CDH22: variants seen among roughly 807,000 people sequenced by gnomAD.
CDH22 encodes cadherin-22.
CDH22 carries 30 observed loss-of-function variants against 58.4 expected under a neutral mutation model. The ratio of observed to expected loss-of-function variants is 0.51; its 90% confidence interval spans 0.38 to 0.70. CDH22 has a LOEUF of 0.70. CDH22 is among the 30% of genes least tolerant of loss of function. The probability of loss-of-function intolerance (pLI) is 0.00; values close to 1 mark genes in which losing one functional copy is unlikely to be tolerated. For missense variants in CDH22, 1,014 were observed against 1,233.9 expected, an observed-to-expected ratio of 0.82 and a Z score of 2.67; for synonymous variants, 513 against 558.2, an observed-to-expected ratio of 0.92 and a Z score of 1.14.
intron 1 of CDH22, among the ~76,000 whole-genome samples, chr20:46,276,764 G>T (rs1370752725): frequency 6.6e-6 from 1 of 152,212 alleles, no homozygotes; most frequent in African/African-American, 2.4e-5. Flanking sequence ...TGGGGAGATG[G>T]GTGTGGGCAG....
At chr20:46,265,465 C>T (rs1033513065) in intron 1 of CDH22, among the ~76,000 whole-genome samples, 10 of 152,128 alleles carry the variant, frequency 6.6e-5, no homozygotes, top group Non-Finnish European at 1.3e-4. Context: ...CTGAAAATAG[C>T]CCCCTCCTCA....
Position 46,241,614 on chromosome 20 carries a change from C to T in CDH22, c.256-357G>A, listed in dbSNP as rs972608215. ...CTCCACACCTCTCTCCCCTTTAGCA[C>T]GCACAGCTCTGAGGCTTCTGCCTTG... On this transcript the variant is annotated intron_variant, in intron 2 of 11. Transcript: ENST00000537909. This position sits in a 1 kb window ranked among gnomAD's most constrained non-coding sequence, Gnocchi z 5.2. Among the ~76,000 whole-genome samples, 5 of 152,354 alleles carry T rather than the reference C, an allele frequency of 3.3e-5. No individual in the cohort carries two copies. The highest frequency in any genetic ancestry group is 3.9e-4 in the East Asian group (2 of 5,186).
chr20:46,271,931 T>C (rs566500927), intron 1 of CDH22, among the ~76,000 whole-genome samples: 91 of 152,312 alleles, frequency 6.0e-4, no homozygotes, highest in African/African-American at 2.1e-3. Flanking sequence ...CTCTCATGCC[T>C]CCACTTAGAT....
chr20:46,210,322 G>T lies in CDH22; in HGVS notation c.1271C>A (p.Ala424Asp). The change falls in exon 7 of 12, where the codon GCC becomes GAC. Residue 424 changes from alanine (A) to aspartate (D), a missense_variant. Physicochemically the swap from Ala to Asp is moderately radical, Grantham distance 126 (BLOSUM62 -2). Coordinates refer to ENST00000537909, the MANE Select transcript of CDH22 (RefSeq NM_021248.3). The surrounding 1 kb of genome is among the most constrained non-coding windows in gnomAD (Gnocchi z 4.5). ...GVVTARDPDA[A>D]NRPVRYAIDR... ...GGGGTCTCACCGGACGGGCCGGTTG[G>T]CGGCGTCGGGGTCCCGCGCCGTCAC... 6.9e-7 allele frequency: 1 copy of T among 1,450,444 alleles called. No homozygotes were observed. The allele number at this position is 1,450,444 out of a possible 1,614,324, so 89.8% of individuals were successfully genotyped here.
intron 10 of CDH22, among the ~76,000 whole-genome samples, chr20:46,186,125 G>A (rs1331588345): frequency 6.7e-6 from 1 of 150,056 alleles, no homozygotes; most frequent in Non-Finnish European, 1.5e-5. Flanking sequence ...GAGGTAGGAG[G>A]ATTGCTTGTG....
At chr20:46,203,822 C>T (rs1215059523) in intron 7 of CDH22, among the ~76,000 whole-genome samples, 1 of 152,158 alleles carries the variant, frequency 6.6e-6, no homozygotes, top group African/African-American at 2.4e-5. Context: ...AGCTGTGGGT[C>T]TAGAAGGTTC....
intron 2 of CDH22, among the ~76,000 whole-genome samples, chr20:46,243,907 A>T (rs966795861): frequency 6.6e-6 from 1 of 152,210 alleles, no homozygotes; most frequent in African/African-American, 2.4e-5. Flanking sequence ...AGAGAGGGGA[A>T]GTCATGTGCT....
intron 1 of CDH22, among the ~76,000 whole-genome samples, chr20:46,290,597 G>C (rs2086596837): frequency 6.6e-6 from 1 of 152,200 alleles, no homozygotes. Flanking sequence ...CTGAGCTATA[G>C]AGTCAGGTGT....
Position 46,210,192 on chromosome 20 carries a change from G to A in CDH22, c.1286+115C>T. The A allele has an allele frequency of 9.0e-7, 1 of 1,111,124 alleles. No homozygotes were observed. Among genetic ancestry groups the A allele is most frequent in the Non-Finnish European group, 1.2e-6 (1 of 849,172 alleles). 68.8% of individuals were successfully genotyped at this position (1,111,124 alleles called of 1,614,324 possible). Reference sequence around the variant, plus strand: ...TCTCCGCGCCTCCCTCCCCCACGCAGCCCCTTCCTTCGGCCCTGCCCGCCC... The same window carrying A: ...TCTCCGCGCCTCCCTCCCCCACGCAACCCCTTCCTTCGGCCCTGCCCGCCC... On this transcript the variant is annotated intron_variant, in intron 7 of 11. Transcript: ENST00000537909. This position sits in a 1 kb window ranked among gnomAD's most constrained non-coding sequence, Gnocchi z 4.5.
intron 2 of CDH22, among the ~76,000 whole-genome samples, chr20:46,245,761 C>T (rs1005242047): frequency 6.6e-6 from 1 of 152,180 alleles, no homozygotes; most frequent in Non-Finnish European, 1.5e-5. Context: ...GATGGACAGT[C>T]GCTGGGAACC....
chr20:46,245,762 G>T (rs187545984), intron 2 of CDH22, among the ~76,000 whole-genome samples: 23 of 152,278 alleles, frequency 1.5e-4, no homozygotes, highest in African/African-American at 5.5e-4. Flanking sequence ...ATGGACAGTC[G>T]CTGGGAACCT....
At chr20:46,219,062 G>A (rs2086106367) in intron 4 of CDH22, among the ~76,000 whole-genome samples, 2 of 152,216 alleles carry the variant, frequency 1.3e-5, no homozygotes. Context: ...GGGCGTGTGT[G>A]TATGTGTGGT....
chr20:46,294,057 TCA>T (rs1366526534), intron 1 of CDH22, among the ~76,000 whole-genome samples: 2 of 152,162 alleles, frequency 1.3e-5, no homozygotes, highest in African/African-American at 4.8e-5. Context: ...TATTGGAGTC[TCA>T]GTTTCTTCAC....
chr20:46,230,122 A>G (rs973693648), intron 3 of CDH22, among the ~76,000 whole-genome samples: 1 of 152,136 alleles, frequency 6.6e-6, no homozygotes, highest in African/African-American at 2.4e-5. Flanking sequence ...AGAAGTCAGC[A>G]GCTCCCCAGA....
chr20:46,228,905 C>T (rs532679849), intron 3 of CDH22, among the ~76,000 whole-genome samples: 12 of 152,348 alleles, frequency 7.9e-5, no homozygotes, highest in African/African-American at 2.4e-4. Context: ...CCGCCTCTCC[C>T]GCCTCCAGCC....
intron 6 of CDH22, 134 bp downstream of exon 6, chr20:46,212,860 CA>C (rs1266567637): frequency 1.5e-6 from 1 of 679,736 alleles, no homozygotes; most frequent in Non-Finnish European, 2.5e-6. Context: ...AGTGTTTTTC[CA>C]GGTTGGTCCT....
intron 8 of CDH22, among the ~76,000 whole-genome samples, chr20:46,193,466 G>T (rs945797438): frequency 3.3e-5 from 5 of 152,088 alleles, no homozygotes; most frequent in African/African-American, 1.2e-4. Flanking sequence ...CCGACTCCAT[G>T]TTTGCCCCCT....
chr20:46,195,367 C>T (rs575858414), intron 8 of CDH22, among the ~76,000 whole-genome samples: 182 of 152,306 alleles, frequency 1.2e-3, no homozygotes, highest in African/African-American at 4.1e-3. Flanking sequence ...CTCACACAGA[C>T]CCATCTAAAA....
chr20:46,294,640 A>C (rs1344801623), intron 1 of CDH22, among the ~76,000 whole-genome samples: 1 of 152,222 alleles, frequency 6.6e-6, no homozygotes, highest in African/African-American at 2.4e-5. Flanking sequence ...CAGAAGTTCC[A>C]ACTGTGCCCC....
Sources: allele counts gnomAD v4.1 joint callset (sites outside exome capture counted in the v4.1 genomes callset), GRCh38; gene constraint gnomAD v4.1.1; non-coding constraint Gnocchi (gnomAD v3.1); transcripts MANE v1.5; gene names NCBI Gene and HGNC (gene_info 2026-07-23, HGNC 2026-07-21).